PCNX2: variants seen among roughly 807,000 people sequenced by gnomAD.
PCNX2 encodes the protein pecanex-like protein 2.
PCNX2 carries 168 observed loss-of-function variants against 223.8 expected under a neutral mutation model. The observed-to-expected ratio is 0.75, with a 90% confidence interval of 0.66 to 0.85. The LOEUF (loss-of-function observed/expected upper bound fraction) is 0.85. Ranked by LOEUF, PCNX2 falls within the 40% of genes least tolerant of loss-of-function variation. The pLI is 0.00. For missense variants in PCNX2, 2,507 were observed against 2,675.5 expected, an observed-to-expected ratio of 0.94 and a Z score of 1.39; for synonymous variants, 1,006 against 1,052.6, an observed-to-expected ratio of 0.96 and a Z score of 0.86.
At chr1:233,099,462 CA>C (rs1448393172) in intron 21 of PCNX2, among the ~76,000 whole-genome samples, 1 of 152,156 alleles carries the variant, frequency 6.6e-6, no homozygotes, top group Non-Finnish European at 1.5e-5. Context: ...TGATACTACC[CA>C]AAAAGCCTGA....
chr1:233,228,192 C>T (rs1657858480), intron 9 of PCNX2, among the ~76,000 whole-genome samples: 1 of 152,070 alleles, frequency 6.6e-6, no homozygotes, highest in African/African-American at 2.4e-5. Context: ...TTTTGTTTCC[C>T]GTTCTCCGTG....
intron 9 of PCNX2, chr1:233,231,530 T>C (rs1231425838): frequency 9.4e-6 from 6 of 641,504 alleles, no homozygotes; most frequent in African/African-American, 7.9e-5. Flanking sequence ...CAGGCACAGA[T>C]GGTTTTAAAT....
chr1:233,259,386 T>G lies in PCNX2; in HGVS notation c.518-42A>C, dbSNP rs369156396. 1.1e-4 allele frequency: 177 copies of G among 1,541,836 alleles called. No individual in the cohort carries two copies. In the African/African-American group the frequency reaches 2.2e-3, roughly 20 times the overall value. The stretch of plus-strand genomic sequence containing the variant: ...CAACTTTATTAGCATCAGAAATGAA[T>G]GAGTAATGCCCAAGAGCAAGACCTA... On this transcript the variant is annotated intron_variant, in intron 4 of 33. Coordinates refer to ENST00000258229, the MANE Select transcript of PCNX2 (RefSeq NM_014801.4).
chr1:233,059,208 C>T (rs1409114307), intron 23 of PCNX2, among the ~76,000 whole-genome samples: 1 of 152,296 alleles, frequency 6.6e-6, no homozygotes, highest in East Asian at 1.9e-4. Flanking sequence ...TGCCTTGACT[C>T]CTGTGCTGCT....
At chr1:233,141,085 G>A (rs576886191) in intron 19 of PCNX2, among the ~76,000 whole-genome samples, 1 of 152,086 alleles carries the variant, frequency 6.6e-6, no homozygotes, top group Non-Finnish European at 1.5e-5. Flanking sequence ...TAAAAAGAGA[G>A]TTATGTAGTT....
intron 9 of PCNX2, among the ~76,000 whole-genome samples, chr1:233,231,123 T>C (rs1466809601): frequency 3.9e-5 from 6 of 152,246 alleles, no homozygotes; most frequent in Admixed American, 2.0e-4. Context: ...CCCAAGGTCC[T>C]AGATTAGGAA....
chr1:233,150,686 C>T (rs552077502), intron 19 of PCNX2, among the ~76,000 whole-genome samples: 24 of 152,070 alleles, frequency 1.6e-4, no homozygotes, highest in Non-Finnish European at 2.9e-4. Flanking sequence ...TCTGGAAATT[C>T]ATTTGATACA....
chr1:232,984,683 C>G lies in PCNX2; in HGVS notation c.6241-206G>C, dbSNP rs987678678. On this transcript the variant is annotated intron_variant, in intron 33 of 33. Coordinates refer to ENST00000258229, the MANE Select transcript of PCNX2 (RefSeq NM_014801.4). ...CGGGCAACTGAAGCAGCATCTGAGA[C>G]ACAGGGGCTCTGCACGTGGGCCTTT... The G allele has an allele frequency of 9.3e-6, 5 of 535,374 alleles. No homozygotes were observed. The East Asian group carries it at 1.7e-4, about 18-fold the overall frequency. The allele number at this position is 535,374 out of a possible 1,614,324, so 33.2% of individuals were successfully genotyped here.
At chr1:233,127,666 G>C (rs531488397) in intron 21 of PCNX2, among the ~76,000 whole-genome samples, 4 of 152,092 alleles carry the variant, frequency 2.6e-5, no homozygotes, top group Non-Finnish European at 5.9e-5. Context: ...ATAGCTAAGA[G>C]ACTTTCTGGC....
intron 21 of PCNX2, among the ~76,000 whole-genome samples, chr1:233,117,968 C>T (rs1675521729): frequency 6.7e-6 from 1 of 149,878 alleles, no homozygotes; most frequent in African/African-American, 2.5e-5. Context: ...CGAGATCCCG[C>T]CACTGCACTC....
At chr1:233,200,357 C>T (rs987351725) in intron 13 of PCNX2, 93 bp from the exon 14 acceptor site, 1 of 740,802 alleles carries the variant, frequency 1.3e-6, no homozygotes, top group Non-Finnish European at 2.1e-6. Context: ...TTCCAAACCA[C>T]CCCACCCAGG....
intron 1 of PCNX2, among the ~76,000 whole-genome samples, chr1:233,280,477 T>A (rs1309960621): frequency 6.6e-6 from 1 of 152,106 alleles, no homozygotes; most frequent in African/African-American, 2.4e-5. Context: ...TTTGTTTTTT[T>A]AGTAAAGACG....
chr1:233,084,679 T>C (rs1053775722), intron 23 of PCNX2, among the ~76,000 whole-genome samples: 1 of 152,230 alleles, frequency 6.6e-6, no homozygotes, highest in African/African-American at 2.4e-5. Context: ...ACATGTATCA[T>C]GTAATTTCTG....
At chr1:233,203,236 T>G (rs956566991) in intron 13 of PCNX2, among the ~76,000 whole-genome samples, 1 of 152,172 alleles carries the variant, frequency 6.6e-6, no homozygotes, top group African/African-American at 2.4e-5. Context: ...CTGCTCCTTT[T>G]GAAATATGGT....
chr1:233,024,575 C>T (rs1329148817), intron 26 of PCNX2, among the ~76,000 whole-genome samples: 1 of 152,206 alleles, frequency 6.6e-6, no homozygotes, highest in Non-Finnish European at 1.5e-5. Context: ...TTCCAGGAGA[C>T]TTACTCCAAA....
chr1:233,315,974 GC>G, the PCNX2 span, among the ~76,000 whole-genome samples: 1 of 152,226 alleles, frequency 6.6e-6, no homozygotes, highest in African/African-American at 2.4e-5. Flanking sequence ...AGGGTAAATG[GC>G]AGCCTTCCTA....
chr1:233,316,636 CG>C, the PCNX2 span, among the ~76,000 whole-genome samples: 1 of 152,144 alleles, frequency 6.6e-6, no homozygotes, highest in Admixed American at 6.5e-5. Context: ...ATGTGAAAGT[CG>C]AAACACTCCC....
At chr1:233,034,476 C>T (rs370470877) in intron 25 of PCNX2, among the ~76,000 whole-genome samples, 2 of 152,190 alleles carry the variant, frequency 1.3e-5, no homozygotes, top group East Asian at 3.8e-4. Context: ...GTTGTCTAAG[C>T]CGCCCAGTCT....
intron 15 of PCNX2, among the ~76,000 whole-genome samples, chr1:233,189,032 A>C (rs1680269824): frequency 6.6e-6 from 1 of 152,186 alleles, no homozygotes; most frequent in Non-Finnish European, 1.5e-5. Context: ...CCATCTTAGA[A>C]TTCAGCCTCC....
Sources: gnomAD v4.1 joint callset for allele counts (sites outside exome capture counted in the v4.1 genomes callset) on GRCh38, gnomAD v4.1.1 for gene constraint, MANE v1.5 for transcripts, NCBI Gene and HGNC (gene_info 2026-07-23, HGNC 2026-07-21) for gene names.